NIBAN1: variants seen among roughly 807,000 people sequenced by gnomAD.
NIBAN1 encodes the protein niban apoptosis regulator 1.
NIBAN1 carries 81 observed loss-of-function variants against 75.1 expected under a neutral mutation model. The ratio of observed to expected loss-of-function variants is 1.08; its 90% CI spans 0.90 to 1.30. NIBAN1 has a LOEUF of 1.30. Among genes scored for constraint, NIBAN1 ranks in the 50% most tolerant of loss-of-function variants. The pLI, the probability that NIBAN1 is intolerant of heterozygous loss-of-function variation, is 0.00. For missense variants in NIBAN1, 1,133 were observed against 1,128.1 expected (o/e 1.00, Z -0.06); for synonymous variants, 436 against 424.8 (o/e 1.03, Z -0.32).
chr1:184,954,242 T>C (rs1485766436), intron 1 of NIBAN1, among the ~76,000 whole-genome samples: 2 of 152,056 alleles, frequency 1.3e-5, no homozygotes, highest in African/African-American at 4.8e-5. Context: ...TGGTTATAGG[T>C]CTAGAGTGGA....
At chr1:184,809,493 TTTTTTTGAAATGCAA>T (rs1654304009) in intron 9 of NIBAN1, among the ~76,000 whole-genome samples, 1 of 151,972 alleles carries the variant, frequency 6.6e-6, no homozygotes, top group Non-Finnish European at 1.5e-5. Context: ...TTTAAATCCT[TTTTTTTGAAATGCAA>T]TGGAAACATT....
At chr1:184,823,891 A>T (rs2102224293) in intron 6 of NIBAN1, 149 bp from the exon 7 acceptor site, 3 of 593,332 alleles carry the variant, frequency 5.1e-6, no homozygotes, top group Non-Finnish European at 9.0e-6. Flanking sequence ...TACAGAGGCC[A>T]CAGAAATCTC....
chr1:184,809,341 A>G lies in NIBAN1; in HGVS notation c.1174-1106T>C, dbSNP rs571829702. On this transcript the variant is annotated intron_variant, in intron 9 of 13. Transcript: ENST00000367511. The stretch of plus-strand genomic sequence containing the variant: ...ATGTGTCTATTTTTAAAAAATATCA[A>G]TTAAGCAGACAGAAGAGGAAAAATG... 1.5e-3 allele frequency among the ~76,000 whole-genome samples: 231 copies of G among 152,316 alleles called. 1 individual carries two copies. Among genetic ancestry groups the G allele is most frequent in the Non-Finnish European group, 2.1e-3 (145 of 68,032 alleles).
intron 6 of NIBAN1, among the ~76,000 whole-genome samples, chr1:184,828,889 T>C (rs1440841031): frequency 2.6e-5 from 4 of 152,126 alleles, no homozygotes; most frequent in Non-Finnish European, 5.9e-5. Context: ...CTTGACCTCA[T>C]GGGCTCAAAT....
At chr1:184,800,437 G>A (rs1239079706) in intron 12 of NIBAN1, among the ~76,000 whole-genome samples, 1 of 151,872 alleles carries the variant, frequency 6.6e-6, no homozygotes, top group Non-Finnish European at 1.5e-5. Flanking sequence ...TGAAGTCCTT[G>A]CCCATGCCTA....
chr1:184,883,141 T>C (rs931070513), intron 5 of NIBAN1, among the ~76,000 whole-genome samples: 3 of 152,100 alleles, frequency 2.0e-5, no homozygotes, highest in African/African-American at 7.2e-5. Flanking sequence ...TTAAAATAAG[T>C]ATACAGTGAA....
chr1:184,823,108 G>T lies in NIBAN1; in HGVS notation c.985+59C>A, dbSNP rs904249355. 3.2e-6 allele frequency: 5 copies of T among 1,560,510 alleles called. No individual in the cohort carries two copies. The African/African-American group carries it at 4.1e-5, about 13-fold the overall frequency. On this transcript the variant is annotated intron_variant, in intron 8 of 13. Transcript: ENST00000367511. ...TGAAACCATGCATTCCTGCTATGTG[G>T]TGGATCCCTGCATGTACAGCTTATT...
chr1:184,819,047 A>G (rs1266446165), intron 8 of NIBAN1, among the ~76,000 whole-genome samples: 2 of 152,044 alleles, frequency 1.3e-5, no homozygotes, highest in Admixed American at 6.6e-5. Context: ...CCACTCCCCA[A>G]GCTTTCCTCT....
chr1:184,947,871 G>A (rs1658269457), intron 1 of NIBAN1, among the ~76,000 whole-genome samples: 1 of 152,202 alleles, frequency 6.6e-6, no homozygotes, highest in Non-Finnish European at 1.5e-5. Flanking sequence ...GGTATTGAAA[G>A]CTGCTTACCC....
At chr1:184,845,793 G>A (rs1220156400) in intron 5 of NIBAN1, among the ~76,000 whole-genome samples, 5 of 85,088 alleles carry the variant, frequency 5.9e-5, no homozygotes, top group Non-Finnish European at 9.4e-5. Context: ...GAAGCAGGGC[G>A]AGGCATTGCC....
At chr1:184,891,266 G>A (rs1025747043) in intron 3 of NIBAN1, among the ~76,000 whole-genome samples, 1 of 152,134 alleles carries the variant, frequency 6.6e-6, no homozygotes, top group Non-Finnish European at 1.5e-5. Flanking sequence ...TAAGAAAGAC[G>A]ATTGGAGGAC....
At chr1:184,930,530 A>G (rs189092630) in intron 1 of NIBAN1, among the ~76,000 whole-genome samples, 8 of 152,318 alleles carry the variant, frequency 5.3e-5, no homozygotes, top group Admixed American at 4.6e-4. Flanking sequence ...AAGTTATGTA[A>G]TTTCAGTGAT....
chr1:184,860,317 C>T (rs938588223), intron 5 of NIBAN1, among the ~76,000 whole-genome samples: 5 of 151,880 alleles, frequency 3.3e-5, no homozygotes, highest in African/African-American at 1.2e-4. Context: ...CCTCAAACTT[C>T]CAGAGTAAAA....
intron 12 of NIBAN1, among the ~76,000 whole-genome samples, chr1:184,801,778 G>C (rs1654048918): frequency 6.6e-6 from 1 of 152,182 alleles, no homozygotes; most frequent in Admixed American, 6.5e-5. Context: ...ATACATATTT[G>C]CTGACTCAAT....
In NIBAN1 at chr1:184,878,335, G is replaced by A. The variant is rs535682675; in HGVS notation, c.601+6298C>T. ...TCTGTTAAGTATAAATAATATAAAG[G>A]CATATTTTAGATGTACTATTTTTAA... On this transcript the variant is annotated intron_variant, in intron 5 of 13. Coordinates refer to ENST00000367511, the MANE Select transcript of NIBAN1 (RefSeq NM_052966.4). Among the ~76,000 whole-genome samples the A allele has an allele frequency of 2.0e-5, 3 of 152,202 alleles. No homozygotes were observed. The South Asian group carries it at 6.2e-4, about 32-fold the overall frequency.
intron 1 of NIBAN1, among the ~76,000 whole-genome samples, chr1:184,910,141 T>C (rs997427378): frequency 2.6e-5 from 4 of 152,122 alleles, no homozygotes; most frequent in Admixed American, 6.6e-5. Context: ...CTAGGCCTCA[T>C]AGGTGAAATT....
At chr1:184,872,401 A>G (rs984548127) in intron 5 of NIBAN1, among the ~76,000 whole-genome samples, 1 of 152,128 alleles carries the variant, frequency 6.6e-6, no homozygotes, top group African/African-American at 2.4e-5. Context: ...GATAGAAAAT[A>G]TAAAATTAAA....
At chr1:184,836,053 AT>A (rs1416726534) in intron 5 of NIBAN1, among the ~76,000 whole-genome samples, 1 of 152,136 alleles carries the variant, frequency 6.6e-6, no homozygotes, top group East Asian at 1.9e-4. Context: ...TTTCCTCATT[AT>A]TTTTCTTGGC....
chr1:184,817,088 T>C (rs183102289), intron 9 of NIBAN1, among the ~76,000 whole-genome samples: 1 of 152,242 alleles, frequency 6.6e-6, no homozygotes, highest in East Asian at 1.9e-4. Flanking sequence ...CGTGTTCTCA[T>C]TGTTCAATTC....
Sources: gnomAD v4.1 joint callset for allele counts (sites outside exome capture counted in the v4.1 genomes callset) on GRCh38, gnomAD v4.1.1 for gene constraint, MANE v1.5 for transcripts, NCBI Gene and HGNC (gene_info 2026-07-23, HGNC 2026-07-21) for gene names.